UGT1A8: variants seen among roughly 807,000 people sequenced by gnomAD.
The protein encoded by UGT1A8 is UDP-glucuronosyltransferase 1A8.
Under a neutral mutation model 45.3 loss-of-function variants are expected in UGT1A8, and 39 were observed. The ratio of observed to expected loss-of-function variants is 0.86; its 90% CI spans 0.67 to 1.12. The LOEUF (loss-of-function observed/expected upper bound fraction) is 1.12, where lower values mean the gene tolerates loss of function less well. UGT1A8 is among the 50% of genes most tolerant of loss of function. The pLI, the probability that UGT1A8 is intolerant of heterozygous loss-of-function variation, is 0.00. For missense variants in UGT1A8, 719 were observed against 664.9 expected (o/e 1.08, Z -0.90); for synonymous variants, 275 against 249.2 (o/e 1.10, Z -0.97).
Position 233,743,419 on chromosome 2 carries a change from G to A in UGT1A8, c.856-23615G>A, listed in dbSNP as rs577178509. The A allele has an allele frequency of 1.8e-5, 24 of 1,337,466 alleles. No individual in the cohort carries two copies. In the East Asian group the frequency reaches 1.2e-3, roughly 65 times the overall value. The allele number at this position is 1,337,466 out of a possible 1,614,324, so 82.8% of individuals were successfully genotyped here. On this transcript the variant is annotated intron_variant, in intron 1 of 4. Transcript: ENST00000373450. ...GGAAGAAAGGCCCCCACTTCCCAGG[G>A]AGCCAAAGGAACGAAATCCTGTATC... is the stretch of plus-strand genomic sequence containing the variant.
chr2:233,679,129 G>T (rs1309851382), intron 1 of UGT1A8, among the ~76,000 whole-genome samples: 1 of 152,168 alleles, frequency 6.6e-6, no homozygotes, highest in Non-Finnish European at 1.5e-5. Context: ...TAAGACACCT[G>T]ATTGAGAGAC....
intron 1 of UGT1A8, among the ~76,000 whole-genome samples, chr2:233,624,345 C>T (rs1211150523): frequency 6.6e-6 from 1 of 151,992 alleles, no homozygotes; most frequent in Non-Finnish European, 1.5e-5. Context: ...GTAGAATGTT[C>T]CTCTAGAATG....
At position 233,769,677 on chromosome 2, in the gene UGT1A8, G is replaced by A; in HGVS notation, c.1295+1238G>A. 6.3e-6 allele frequency: 10 copies of A among 1,577,312 alleles called. No homozygotes were observed. Among genetic ancestry groups the A allele is most frequent in the Non-Finnish European group, 8.6e-6 (10 of 1,161,616 alleles). ...TCCCACCTTTGAGGTGCTAATGTGT[G>A]TGTGGTGGCACTGGATAAAAGATCA... On this transcript the variant is annotated intron_variant, in intron 4 of 4. Transcript: ENST00000373450. The surrounding 1 kb of genome is among the most constrained non-coding windows in gnomAD (Gnocchi z 4.4).
intron 1 of UGT1A8, among the ~76,000 whole-genome samples, chr2:233,683,912 A>G (rs1484697357): frequency 6.6e-6 from 1 of 152,200 alleles, no homozygotes; most frequent in African/African-American, 2.4e-5. Context: ...GGCGGAGCAT[A>G]TAGTTCCAAA....
At position 233,772,473 on chromosome 2, in the gene UGT1A8, A is replaced by G. The variant is rs1575871447; in HGVS notation, c.1507A>G (p.Thr503Ala). ...CGTCGTGCTGACAGTGGCCTTCATC[A>G]CCTTTAAATGTTGTGCTTATGGCTA... ...LAVVLTVAFITFKCCAYGYRK... is the reference protein window; with the variant it reads ...LAVVLTVAFIAFKCCAYGYRK... The change falls in exon 5 of 5, where the codon ACC (threonine) becomes GCC (alanine). Residue 503 changes from threonine to alanine, a missense_variant. Coordinates refer to ENST00000373450, the MANE Select transcript of UGT1A8 (RefSeq NM_019076.5). 1.2e-6 allele frequency: 2 copies of G among 1,614,044 alleles called. No homozygotes were observed. The highest frequency in any genetic ancestry group is 1.7e-6 in the Non-Finnish European group (2 of 1,180,014).
At chr2:233,760,776 C>G in intron 1 of UGT1A8, 1 of 1,613,940 alleles carries the variant, frequency 6.2e-7, no homozygotes, top group Non-Finnish European at 8.5e-7. Context: ...TGGCCCAGTA[C>G]CTGTCTCTGC....
intron 1 of UGT1A8, among the ~76,000 whole-genome samples, chr2:233,680,219 T>A (rs1041859800): frequency 6.6e-6 from 1 of 152,186 alleles, no homozygotes; most frequent in Non-Finnish European, 1.5e-5. Flanking sequence ...TATAGTCCCA[T>A]GGTGGTATTC....
intron 1 of UGT1A8, among the ~76,000 whole-genome samples, chr2:233,724,351 C>G: frequency 6.8e-6 from 1 of 147,806 alleles, no homozygotes; most frequent in African/African-American, 2.5e-5. Context: ...CCCCCCCCAC[C>G]TCCCTCCCGG....
chr2:233,671,817 TA>T (rs2074200411), intron 1 of UGT1A8: 1 of 1,423,562 alleles, frequency 7.0e-7, no homozygotes, highest in Non-Finnish European at 9.2e-7. Context: ...ATTTTTTTTT[TA>T]TGAAAGGATA....
At chr2:233,758,568 A>G (rs1462095231) in intron 1 of UGT1A8, among the ~76,000 whole-genome samples, 1 of 152,230 alleles carries the variant, frequency 6.6e-6, no homozygotes, top group Non-Finnish European at 1.5e-5. Context: ...TTGGTCCTAA[A>G]AAATGAAGAG....
rs909442346 is a variant in UGT1A8, at chr2:233,644,748, T to A, written c.855+26186T>A. On this transcript the variant is annotated intron_variant, in intron 1 of 4. Transcript: ENST00000373450. ...CACCGCCACTGTGGGTTCAGGGGGT[T>A]GGGTGACATAGGAGATGCAGAACTT... Among the ~76,000 whole-genome samples, 8 of 152,226 alleles carry A rather than the reference T, an allele frequency of 5.3e-5. No homozygotes were observed. The East Asian group carries it at 1.5e-3, about 29-fold the overall frequency.
At chr2:233,750,627 TC>T (rs1482081240) in intron 1 of UGT1A8, 1 of 151,448 alleles carries the variant, frequency 6.6e-6, no homozygotes, top group Non-Finnish European at 1.5e-5. Flanking sequence ...GGGTCCATGC[TC>T]CCCCTGCTGT....
rs369434439 is a variant in UGT1A8, at chr2:233,680,893, C to G, written c.855+62331C>G. Among the ~76,000 whole-genome samples the G allele has an allele frequency of 3.9e-5, 6 of 152,108 alleles. No individual in the cohort carries two copies. In the East Asian group the frequency reaches 9.8e-4, roughly 25 times the overall value. On this transcript the variant is annotated intron_variant, in intron 1 of 4. Transcript: ENST00000373450. ...GGGCAAGCATAGGGACGGCGACTCA[C>G]CACTGCAGACAATGTATCTGAGGAA...
chr2:233,677,228 A>G (rs1412846028), intron 1 of UGT1A8, among the ~76,000 whole-genome samples: 1 of 152,170 alleles, frequency 6.6e-6, no homozygotes. Context: ...TTCAATGTAC[A>G]GTCTTTCACA....
chr2:233,672,749 T>C (rs570410415), intron 1 of UGT1A8: 236 of 1,613,950 alleles, frequency 1.5e-4, no homozygotes, highest in African/African-American at 4.5e-4. Flanking sequence ...ATGATCTTCA[T>C]TGGTGGTATC....
intron 1 of UGT1A8, among the ~76,000 whole-genome samples, chr2:233,661,852 G>C (rs964399630): frequency 6.6e-6 from 1 of 151,104 alleles, no homozygotes; most frequent in Middle Eastern, 3.4e-3. Flanking sequence ...ACTTTGTATG[G>C]GTCCTATGGT....
chr2:233,661,631 C>CTTTCT lies in UGT1A8; in HGVS notation c.855+43072_855+43076dup, dbSNP rs1389850136. On this transcript the variant is annotated intron_variant, in intron 1 of 4. Coordinates refer to ENST00000373450, the MANE Select transcript of UGT1A8 (RefSeq NM_019076.5). Reference sequence around the variant, plus strand: ...AGTGAAGACTTACTGAATTTTCTTTCTTTCTTTCTTTCTTTCTTTCTTTCT... The same window carrying CTTTCT: ...AGTGAAGACTTACTGAATTTTCTTTCTTTCTTTTCTTTCTTTCTTTCTTTCTTTCT... Among the ~76,000 whole-genome samples the CTTTCT allele has an allele frequency of 5.7e-3, 699 of 122,406 alleles. 17 individuals carry two copies. The highest frequency in any genetic ancestry group is 6.7e-3 in the South Asian group (24 of 3,566). The allele number at this position is 122,406 out of a possible 152,430, so 80.3% of individuals were successfully genotyped here. A position where few individuals can be genotyped will look rare whatever the true frequency, so the allele number is the denominator to read the frequency against.
At chr2:233,684,921 C>T (rs2074710855) in intron 1 of UGT1A8, among the ~76,000 whole-genome samples, 1 of 151,250 alleles carries the variant, frequency 6.6e-6, no homozygotes, top group African/African-American at 2.4e-5. Flanking sequence ...CCTTGTTAGA[C>T]AACAGGATTC....
At chr2:233,648,679 T>C in intron 1 of UGT1A8, 1 of 337,672 alleles carries the variant, frequency 3.0e-6, no homozygotes, top group South Asian at 3.0e-5. Flanking sequence ...TTAGCCAGGA[T>C]GGTCTCGATC....
Sources: allele counts gnomAD v4.1 joint callset (sites outside exome capture counted in the v4.1 genomes callset), GRCh38; gene constraint gnomAD v4.1.1; non-coding constraint Gnocchi (gnomAD v3.1); transcripts MANE v1.5; gene names NCBI Gene and HGNC (gene_info 2026-07-23, HGNC 2026-07-21).